MAP4K5: variants seen among roughly 807,000 people sequenced by gnomAD.
The protein encoded by MAP4K5 is MAPK/ERK kinase kinase kinase 5.
Under a neutral mutation model 135.6 loss-of-function variants are expected in MAP4K5, and 82 were observed. That is an observed-to-expected ratio of 0.60 (90% confidence interval 0.51 to 0.73). The LOEUF is 0.73. Ranked by LOEUF, MAP4K5 falls within the 30% of genes least tolerant of loss-of-function variation. The pLI is 0.00. For missense variants in MAP4K5, 907 were observed against 1,010.9 expected (o/e 0.90, Z 1.39); for synonymous variants, 347 against 335.0 (o/e 1.04, Z -0.39).
At chr14:50,427,446 C>T (rs2035871042) in intron 30 of MAP4K5, among the ~76,000 whole-genome samples, 1 of 152,086 alleles carries the variant, frequency 6.6e-6, no homozygotes, top group Non-Finnish European at 1.5e-5. Flanking sequence ...TGTAAAATGT[C>T]ACACAGAGGC....
intron 1 of MAP4K5, among the ~76,000 whole-genome samples, chr14:50,549,459 T>C (rs1428097685): frequency 6.6e-6 from 1 of 152,148 alleles, no homozygotes; most frequent in East Asian, 1.9e-4. Context: ...TCCACAGGAC[T>C]GACAAGTCAA....
At chr14:50,495,537 A>G (rs1020879605) in intron 3 of MAP4K5, among the ~76,000 whole-genome samples, 10 of 152,246 alleles carry the variant, frequency 6.6e-5, no homozygotes, top group African/African-American at 2.2e-4. Flanking sequence ...TGGAACTATC[A>G]TATGACCAAT....
rs184038963 is a variant in MAP4K5, at chr14:50,524,005, C to G, written c.108+7937G>C. On this transcript the variant is annotated intron_variant, in intron 2 of 32. Transcript: ENST00000682126. ...GGAGGGAGGTTTTTACATTTATCCC[C>G]TACTCTAGTCCCTAAAAATCCATCC... Among the ~76,000 whole-genome samples the G allele has an allele frequency of 2.6e-5, 4 of 152,308 alleles. 1 individual carries two copies. Among genetic ancestry groups the G allele is most frequent in the South Asian group, 2.1e-4 (1 of 4,830 alleles).
chr14:50,453,466 C>T (rs914320429), intron 14 of MAP4K5, among the ~76,000 whole-genome samples: 1 of 152,096 alleles, frequency 6.6e-6, no homozygotes, highest in African/African-American at 2.4e-5. Flanking sequence ...TAATGACCCC[C>T]TCTGAGTTAT....
intron 1 of MAP4K5, among the ~76,000 whole-genome samples, chr14:50,554,401 C>G (rs970230361): frequency 6.6e-6 from 1 of 152,130 alleles, no homozygotes; most frequent in African/African-American, 2.4e-5. Flanking sequence ...CATGGCTATA[C>G]TTTATAGGTC....
chr14:50,434,595 G>T, intron 27 of MAP4K5, 24 bp from the exon 28 acceptor site: 1 of 1,555,084 alleles, frequency 6.4e-7, no homozygotes, highest in Non-Finnish European at 8.7e-7. Flanking sequence ...AAACAATAGA[G>T]CCATAATTCA....
intron 3 of MAP4K5, among the ~76,000 whole-genome samples, chr14:50,502,776 A>C (rs2037734034): frequency 1.3e-5 from 2 of 152,126 alleles, no homozygotes; most frequent in African/African-American, 4.8e-5. Flanking sequence ...CTATGTTTAC[A>C]TGGAAATTTA....
intron 13 of MAP4K5, among the ~76,000 whole-genome samples, chr14:50,460,462 T>C (rs963201932): frequency 6.6e-6 from 1 of 152,072 alleles, no homozygotes; most frequent in African/African-American, 2.4e-5. Flanking sequence ...AGGTGTCTGG[T>C]TATTTACATA....
At chr14:50,457,381 A>G (rs139954524) in intron 13 of MAP4K5, among the ~76,000 whole-genome samples, 6 of 152,304 alleles carry the variant, frequency 3.9e-5, no homozygotes, top group African/African-American at 1.4e-4. Context: ...GAGTAAGAAT[A>G]TTGTAGTAAG....
intron 3 of MAP4K5, among the ~76,000 whole-genome samples, chr14:50,492,767 C>A (rs1452731383): frequency 6.6e-6 from 1 of 152,052 alleles, no homozygotes; most frequent in Admixed American, 6.6e-5. Context: ...ATATAGGTAT[C>A]AATAATGGAA....
chr14:50,441,384 TATGATGTACTGAGAAG>T (rs997393386), intron 21 of MAP4K5, among the ~76,000 whole-genome samples: 6 of 152,144 alleles, frequency 3.9e-5, no homozygotes, highest in Non-Finnish European at 8.8e-5. Flanking sequence ...TATCTCCTGA[TATGATGTACTGAGAAG>T]ATGCACAGTA....
At chr14:50,510,307 G>T (rs999801417) in intron 2 of MAP4K5, among the ~76,000 whole-genome samples, 1 of 152,176 alleles carries the variant, frequency 6.6e-6, no homozygotes, top group South Asian at 2.1e-4. Flanking sequence ...TCTGAAAACT[G>T]TCCTCATTCT....
At chr14:50,464,227 AC>A in intron 11 of MAP4K5, 94 bp from the exon 12 acceptor site, 1 of 640,242 alleles carries the variant, frequency 1.6e-6, no homozygotes, top group Non-Finnish European at 2.7e-6. Flanking sequence ...AGTCTAAAAC[AC>A]CATGATTTTT....
intron 14 of MAP4K5, chr14:50,449,574 T>A (rs2036436030): frequency 6.6e-6 from 1 of 152,118 alleles, no homozygotes; most frequent in African/African-American, 2.4e-5. Context: ...TCAAATAGGA[T>A]CCAGTTGTCC....
upstream of MAP4K5, among the ~76,000 whole-genome samples, chr14:50,536,934 G>A (rs1472838382): frequency 6.6e-6 from 1 of 152,214 alleles, no homozygotes; most frequent in African/African-American, 2.4e-5. Context: ...CAATACAATG[G>A]AAAAGAAAAT....
chr14:50,482,463 T>G, intron 5 of MAP4K5, 47 bp from the exon 6 acceptor site: 2 of 1,300,478 alleles, frequency 1.5e-6, no homozygotes, highest in South Asian at 2.8e-5. Context: ...AACCTAACAT[T>G]AGAAACAGTC....
At chr14:50,465,843 C>T (rs1318881439) in intron 11 of MAP4K5, among the ~76,000 whole-genome samples, 2 of 151,966 alleles carry the variant, frequency 1.3e-5, no homozygotes, top group African/African-American at 2.4e-5. Flanking sequence ...TTTGGGAGGC[C>T]GAAGTGGGCA....
At chr14:50,518,185 A>G (rs889113752) in intron 2 of MAP4K5, among the ~76,000 whole-genome samples, 1 of 152,234 alleles carries the variant, frequency 6.6e-6, no homozygotes, top group Admixed American at 6.5e-5. Flanking sequence ...GTTATAAATG[A>G]CCATTTGTAA....
chr14:50,537,286 C>T (rs2038506189), upstream of MAP4K5, among the ~76,000 whole-genome samples: 1 of 152,210 alleles, frequency 6.6e-6, no homozygotes. Flanking sequence ...CCTTCTAGTA[C>T]ACAGAAGTCA....
Sources: allele counts gnomAD v4.1 joint callset (sites outside exome capture counted in the v4.1 genomes callset), GRCh38; gene constraint gnomAD v4.1.1; transcripts MANE v1.5; gene names NCBI Gene and HGNC (gene_info 2026-07-23, HGNC 2026-07-21).